PLTP: variants seen among roughly 807,000 people sequenced by gnomAD.
PLTP encodes BPI fold containing family E.
PLTP carries 43 observed loss-of-function variants against 54.1 expected under a neutral mutation model. That is an observed-to-expected ratio of 0.79 (90% CI 0.62 to 1.02). The LOEUF is 1.02. PLTP is among the 50% of genes least tolerant of loss of function. The pLI is 0.00. For missense variants in PLTP, 604 were observed against 645.9 expected (o/e 0.94, Z 0.70); for synonymous variants, 263 against 264.6 (o/e 0.99, Z 0.06).
intron 10 of PLTP, among the ~76,000 whole-genome samples, chr20:45,903,369 T>C (rs981110173): frequency 6.6e-6 from 1 of 152,180 alleles, no homozygotes. Flanking sequence ...CTGGCTTATT[T>C]TTGTATTTGT....
chr20:45,904,838 G>C lies in PLTP; in HGVS notation c.904C>G (p.Leu302Val). ...CTCCCAAAGTAGGTGGCCCTCAGCA[G>C]CATGTCCAGGTCGTGGGGCACCTGA... ...GDKVPHDLDM[L>V]LRATYFGSIV... The change falls in exon 10 of 16, where the codon CTG becomes GTG. Residue 302 changes from leucine (L) to valine (V), a missense_variant. Leu to Val is a conservative substitution (Grantham distance 32, BLOSUM62 1). Transcript: ENST00000372431. 1.2e-6 allele frequency: 2 copies of C among 1,614,228 alleles called. No individual in the cohort carries two copies. Among genetic ancestry groups the C allele is most frequent in the Non-Finnish European group, 1.7e-6 (2 of 1,180,046 alleles).
At position 45,906,366 on chromosome 20, in the gene PLTP, G is replaced by T. The variant is rs763580928; in HGVS notation, c.614-7C>A. On this transcript the variant is annotated splice_polypyrimidine_tract_variant and splice_region_variant and intron_variant, in intron 7 of 15. Transcript: ENST00000372431. ...TCGTCCACAGAACTGCGCACTGCAG[G>T]AAGGGGCTCAAGTCACTCACGGCTG... 1.9e-6 allele frequency: 3 copies of T among 1,610,364 alleles called. No homozygotes were observed. The African/African-American group carries it at 4.0e-5, about 22-fold the overall frequency.
chr20:45,909,327 A>C (rs1159648088), intron 5 of PLTP, among the ~76,000 whole-genome samples, 189 bp downstream of exon 5: 1 of 151,172 alleles, frequency 6.6e-6, no homozygotes, highest in East Asian at 1.9e-4. Context: ...ATAAAATAGG[A>C]TCTTATAAAA....
At position 45,909,973 on chromosome 20, in the gene PLTP, G is replaced by A. The variant is rs751016959; in HGVS notation, c.298C>T (p.Arg100Cys). 7 of 1,614,058 alleles carry A rather than the reference G, an allele frequency of 4.3e-6. No individual in the cohort carries two copies. The highest frequency in any genetic ancestry group is 1.7e-5 in the Admixed American group (1 of 60,018). ...CAGTAGAGCAGCTGTCTCCGGAAGC[G>A]CAGCCCCAAGGAGGCATTGGTGATT... ...LQITNASLGL[R>C]FRRQLLYWFF... Residue 100 changes from arginine (R) to cysteine (C), a missense_variant, in exon 4 of 16, where the codon CGC (arginine) becomes TGC (cysteine). Transcript: ENST00000372431.
chr20:45,911,239 C>T lies in PLTP; in HGVS notation c.113G>A (p.Gly38Glu), dbSNP rs776057112. Residue 38 changes from glycine (G) to glutamate (E), a missense_variant, in exon 3 of 16, where the codon GGG (glycine) becomes GAG (glutamate). Physicochemically the swap from Gly to Glu is moderately conservative, Grantham distance 98. Coordinates refer to ENST00000372431, the MANE Select transcript of PLTP (RefSeq NM_006227.4). ...SKALELVKQE[G>E]LRFLEQELET... ...CAGCTCTTGCTCCAGAAAGCGCAGC[C>T]CCTCCTGCTTCACTGAAGCAGCAGA... 2 of 1,614,162 alleles carry T rather than the reference C, an allele frequency of 1.2e-6. No individual in the cohort carries two copies. The highest frequency in any genetic ancestry group is 1.7e-6 in the Non-Finnish European group (2 of 1,179,994).
At chr20:45,901,555 C>T (rs1350156391) in intron 12 of PLTP, among the ~76,000 whole-genome samples, 1 of 152,128 alleles carries the variant, frequency 6.6e-6, no homozygotes, top group Non-Finnish European at 1.5e-5. Context: ...GATTGCACCA[C>T]TGCACTCCAG....
Position 45,899,546 on chromosome 20 carries a change from T to TG in PLTP, c.1283-9dup, listed in dbSNP as rs778117943. ...CCCCACGCCAGGTCCGCTCTGTGGGTGGGAGCACCCCGCTCAGTCTGGGCC... is the reference window on the plus strand; with the variant it reads ...CCCCACGCCAGGTCCGCTCTGTGGGTGGGGAGCACCCCGCTCAGTCTGGGCC... On this transcript the variant is annotated splice_polypyrimidine_tract_variant and intron_variant, in intron 14 of 15. Transcript: ENST00000372431. 1.2e-6 allele frequency: 2 copies of TG among 1,614,026 alleles called. No homozygotes were observed. The highest frequency in any genetic ancestry group is 1.7e-6 in the Non-Finnish European group (2 of 1,179,988).
chr20:45,904,787 C>G lies in PLTP; in HGVS notation c.942+13G>C, dbSNP rs557105997. 1 of 1,613,964 alleles carries G rather than the reference C, an allele frequency of 6.2e-7. No individual in the cohort carries two copies. Among genetic ancestry groups the G allele is most frequent in the South Asian group, 1.1e-5 (1 of 91,086 alleles). On this transcript the variant is annotated intron_variant, in intron 10 of 15. Transcript: ENST00000372431. ...GTGCAGGTGGCCCTATCCCTGCCCC[C>G]GCCAGCACTCACCAGCAGGACAATG...
chr20:45,911,635 GA>G, intron 1 of PLTP, 172 bp from the exon 2 acceptor site: 1 of 843,900 alleles, frequency 1.2e-6, no homozygotes, highest in South Asian at 1.7e-5. Flanking sequence ...GAGGCTCAGA[GA>G]GGCGATGCGA....
intron 10 of PLTP, among the ~76,000 whole-genome samples, chr20:45,904,144 G>T (rs1377715637): frequency 6.6e-6 from 1 of 152,216 alleles, no homozygotes; most frequent in Non-Finnish European, 1.5e-5. Flanking sequence ...ATTGGATGAT[G>T]ATAATGACTG....
At position 45,899,772 on chromosome 20, in the gene PLTP, G is replaced by A. The variant is rs73306280; in HGVS notation, c.1218+64C>T. The A allele has an allele frequency of 1.6e-5, 25 of 1,593,634 alleles. No individual in the cohort carries two copies. The African/African-American group carries it at 2.1e-4, about 14-fold the overall frequency. ...CGCAGGTGAGCAGTTATATGAGGAGGGGGGGATGGTGAGGGTCAGGATCTC... is the reference window on the plus strand; with the variant it reads ...CGCAGGTGAGCAGTTATATGAGGAGAGGGGGATGGTGAGGGTCAGGATCTC... On this transcript the variant is annotated intron_variant, in intron 13 of 15. Transcript: ENST00000372431.
chr20:45,900,789 A>G (rs2083177878), intron 12 of PLTP, among the ~76,000 whole-genome samples: 2 of 152,194 alleles, frequency 1.3e-5, no homozygotes. Flanking sequence ...TTGGTCTCCC[A>G]AAGTGTTGAG....
At chr20:45,899,197 G>T in intron 15 of PLTP, 134 bp from the exon 16 acceptor site, 2 of 1,336,294 alleles carry the variant, frequency 1.5e-6, no homozygotes, top group South Asian at 1.2e-5. Context: ...TTAAAATGAG[G>T]CTGTAGGAGT....
Position 45,911,191 on chromosome 20 carries a change from A to T in PLTP, c.161T>A (p.Leu54Gln). The T allele has an allele frequency of 2.5e-6, 4 of 1,613,868 alleles. No individual in the cohort carries two copies. Among genetic ancestry groups the T allele is most frequent in the Non-Finnish European group, 3.4e-6 (4 of 1,179,962 alleles). The change falls in exon 3 of 16, where the codon CTG becomes CAG. Residue 54 changes from leucine to glutamine, a missense_variant. By Grantham distance (113) the Leu-to-Gln change is moderately radical. Coordinates refer to ENST00000372431, the MANE Select transcript of PLTP (RefSeq NM_006227.4). ...GTAGAAGTGGCCTTCTTTGCCCCGC[A>T]GGTCCGGAATGGTGATAGTCTCCAG... is the stretch of plus-strand genomic sequence containing the variant. ...QELETITIPD[L>Q]RGKEGHFYYN...
intron 10 of PLTP, 29 bp downstream of exon 10, chr20:45,904,771 G>A: frequency 6.2e-7 from 1 of 1,610,796 alleles, no homozygotes. Context: ...TGTGCAGGTG[G>A]CCCTATCCCT....
In PLTP at chr20:45,907,831, C is replaced by T. The variant is rs2083255896; in HGVS notation, c.549+10G>A. On this transcript the variant is annotated intron_variant, in intron 6 of 15. Transcript: ENST00000372431. ...ACCCTTGCCACCCTGCGACCTGTCGCTGCCCACACCTGCTGGTTGAGGAGG... is the reference window on the plus strand; with the variant it reads ...ACCCTTGCCACCCTGCGACCTGTCGTTGCCCACACCTGCTGGTTGAGGAGG... The T allele has an allele frequency of 3.1e-6, 5 of 1,602,764 alleles. No individual in the cohort carries two copies. The East Asian group carries it at 1.1e-4, about 36-fold the overall frequency.
intron 8 of PLTP, among the ~76,000 whole-genome samples, chr20:45,905,545 A>T (rs138579402): frequency 2.7e-4 from 41 of 152,366 alleles, no homozygotes; most frequent in African/African-American, 8.4e-4. Context: ...TGGCCAACTG[A>T]AAACTTATGC....
Position 45,906,436 on chromosome 20 carries a change from C to T in PLTP, c.614-77G>A. On this transcript the variant is annotated intron_variant, in intron 7 of 15. Coordinates refer to ENST00000372431, the MANE Select transcript of PLTP (RefSeq NM_006227.4). ...CTTAACCTCTCCAGGCTCAGAGGCC[C>T]ACCCATAAAATGAGGATACATCCTT... 2.8e-6 allele frequency: 3 copies of T among 1,084,098 alleles called. No individual in the cohort carries two copies. In the South Asian group the frequency reaches 4.0e-5, roughly 14 times the overall value. The allele number at this position is 1,084,098 out of a possible 1,614,324, so 67.2% of individuals were successfully genotyped here.
chr20:45,899,461 C>G lies in PLTP; in HGVS notation c.1359+1G>C. 1 of 1,614,044 alleles carries G rather than the reference C, an allele frequency of 6.2e-7. No homozygotes were observed. The highest frequency in any genetic ancestry group is 8.5e-7 in the Non-Finnish European group (1 of 1,179,954). ...TCCTTCCCCATCCTGCCCCCACTCA[C>G]CGCATGGTTCGTCACCACCTCATGC... On this transcript the variant is annotated splice_donor_variant, in intron 15 of 15. Transcript: ENST00000372431. LOFTEE classifies it high-confidence loss of function.
Sources: allele counts gnomAD v4.1 joint callset (sites outside exome capture counted in the v4.1 genomes callset), GRCh38; gene constraint gnomAD v4.1.1; transcripts MANE v1.5; gene names NCBI Gene and HGNC (gene_info 2026-07-23, HGNC 2026-07-21).